The following DAB1 variants were observed in gnomAD, a reference collection of about 807,000 sequenced individuals.
The protein encoded by DAB1 is DAB adaptor protein 1.
A neutral mutation model predicts 64.6 loss-of-function variants in DAB1; 15 were observed. The observed-to-expected ratio is 0.23, with a 90% CI of 0.16 to 0.36. The LOEUF is 0.36. Ranked by LOEUF, DAB1 falls within the 10% of genes least tolerant of loss-of-function variation. DAB1 has a pLI of 1.00. For synonymous variants in DAB1, 235 were observed against 251.9 expected, an observed-to-expected ratio of 0.93 and a Z score of 0.64; for missense variants, 596 against 706.7, an observed-to-expected ratio of 0.84 and a Z score of 1.78.
chr1:57,097,928 C>A (rs112437244), intron 4 of DAB1, among the ~76,000 whole-genome samples: 8,616 of 152,136 alleles, frequency 0.057, 324 homozygotes, highest in Non-Finnish European at 0.084. Context: ...CAGGTGTCCA[C>A]CGCCACGCTT....
chr1:57,686,486 G>T (rs1034596260), intron 6 of DAB1, among the ~76,000 whole-genome samples: 1 of 152,118 alleles, frequency 6.6e-6, no homozygotes, highest in Non-Finnish European at 1.5e-5. Context: ...AAGAACAACC[G>T]GTGCCAATCC....
chr1:57,195,611 A>G (rs939772457), intron 2 of DAB1, among the ~76,000 whole-genome samples: 13 of 152,226 alleles, frequency 8.5e-5, no homozygotes, highest in African/African-American at 2.9e-4. Context: ...CAGGCTCCTA[A>G]CCGGATCCTA....
chr1:58,085,098 AAATG>A (rs1284621192), intron 5 of DAB1, among the ~76,000 whole-genome samples: 2 of 152,130 alleles, frequency 1.3e-5, no homozygotes, highest in African/African-American at 4.8e-5. Flanking sequence ...CAGGAGGAAA[AAATG>A]AATCCTTTTT....
At chr1:57,203,470 G>A (rs1665271952) in intron 2 of DAB1, among the ~76,000 whole-genome samples, 1 of 152,170 alleles carries the variant, frequency 6.6e-6, no homozygotes, top group African/African-American at 2.4e-5. Flanking sequence ...GTGGGAACCA[G>A]TGGCCCACAG....
intron 3 of DAB1, among the ~76,000 whole-genome samples, chr1:58,398,960 T>C (rs1644547499): frequency 6.6e-6 from 1 of 152,158 alleles, no homozygotes; most frequent in African/African-American, 2.4e-5. Context: ...GAGAACCAAA[T>C]TTTAAAAATA....
chr1:57,505,749 C>A (rs578038439), intron 7 of DAB1, among the ~76,000 whole-genome samples: 1 of 152,300 alleles, frequency 6.6e-6, no homozygotes, highest in South Asian at 2.1e-4. Context: ...CGGCTCACTG[C>A]AGCCTCAGCC....
chr1:58,420,183 TAAAAGAATTTCACAG>T (rs773369905), intron 3 of DAB1, among the ~76,000 whole-genome samples: 1 of 152,154 alleles, frequency 6.6e-6, no homozygotes, highest in South Asian at 2.1e-4. Context: ...TTGTTGTTGT[TAAAAGAATTTCACAG>T]AAAAGAATTT....
intron 5 of DAB1, among the ~76,000 whole-genome samples, chr1:57,956,608 G>T: frequency 6.6e-6 from 1 of 152,314 alleles, no homozygotes; most frequent in East Asian, 1.9e-4. Flanking sequence ...AAAACAGGCA[G>T]AAAGCAGACA....
At chr1:57,211,660 C>T (rs1666016535) in intron 2 of DAB1, among the ~76,000 whole-genome samples, 1 of 152,174 alleles carries the variant, frequency 6.6e-6, no homozygotes, top group African/African-American at 2.4e-5. Context: ...CAAAGGGCTA[C>T]ACAAAGTTAA....
At chr1:57,866,135 A>C (rs957554164) in intron 1 of DAB1, among the ~76,000 whole-genome samples, 2 of 152,230 alleles carry the variant, frequency 1.3e-5, no homozygotes, top group South Asian at 4.1e-4. Flanking sequence ...TATAAAATGC[A>C]GATAATTATG....
intron 1 of DAB1, among the ~76,000 whole-genome samples, chr1:57,843,307 C>T (rs898792323): frequency 1.3e-5 from 2 of 152,158 alleles, no homozygotes; most frequent in Non-Finnish European, 2.9e-5. Context: ...GCAAACATAA[C>T]ACAATAGCAA....
chr1:57,668,586 A>T (rs1163500519), intron 6 of DAB1, among the ~76,000 whole-genome samples: 1 of 152,268 alleles, frequency 6.6e-6, no homozygotes, highest in East Asian at 1.9e-4. Context: ...TGGCCAAAGC[A>T]TTCCCCAACC....
At chr1:58,472,013 T>C (rs1645365037) in intron 3 of DAB1, among the ~76,000 whole-genome samples, 1 of 152,230 alleles carries the variant, frequency 6.6e-6, no homozygotes, top group South Asian at 2.1e-4. Flanking sequence ...GCAAAGTGTT[T>C]AGTAGAGTTC....
At chr1:57,367,286 A>C (rs571938333) in intron 1 of DAB1, among the ~76,000 whole-genome samples, 1 of 151,920 alleles carries the variant, frequency 6.6e-6, no homozygotes, top group Admixed American at 6.6e-5. Flanking sequence ...AAAAAAACAA[A>C]AAAAAGTCAC....
chr1:57,455,942 A>C (rs985289972), intron 7 of DAB1, among the ~76,000 whole-genome samples: 5 of 152,190 alleles, frequency 3.3e-5, no homozygotes, highest in Non-Finnish European at 5.9e-5. Flanking sequence ...TCATCATTAA[A>C]AATTTCTTTG....
intron 4 of DAB1, among the ~76,000 whole-genome samples, chr1:58,251,476 G>A (rs936525270): frequency 2.6e-5 from 4 of 152,180 alleles, no homozygotes; most frequent in African/African-American, 9.7e-5. Context: ...CATCAGGCTG[G>A]GCATTTGGGA....
rs755672094 is a variant in DAB1 at position 58,212,891 on chromosome 1, AG to A, written n.310-62304del. Among the ~76,000 whole-genome samples the A allele has an allele frequency of 1.1e-3, 171 of 152,254 alleles. 3 individuals carry two copies. Among genetic ancestry groups the A allele is most frequent in the Admixed American group, 0.011 (168 of 15,280 alleles). The stretch of plus-strand genomic sequence containing the variant: ...TAAATAAGACAAACAGAGCTGGTGG[AG>A]GGGGTGGAGTTATCAGTGTTCCAGA... On this transcript the variant is annotated intron_variant and non_coding_transcript_variant, in intron 4 of 20. Coordinates refer to the DAB1 transcript ENST00000485760.
At chr1:57,681,187 T>G (rs545620151) in intron 6 of DAB1, among the ~76,000 whole-genome samples, 1 of 152,348 alleles carries the variant, frequency 6.6e-6, no homozygotes, top group South Asian at 2.1e-4. Flanking sequence ...CTCATGGCAT[T>G]CCTTGACTTG....
At chr1:57,028,936 C>A (rs904348251) in intron 9 of DAB1, among the ~76,000 whole-genome samples, 9 of 152,108 alleles carry the variant, frequency 5.9e-5, no homozygotes, top group African/African-American at 1.7e-4. Context: ...AAAAAAATTT[C>A]TGGGGAGAAA....
Sources: gnomAD v4.1 joint callset for allele counts (sites outside exome capture counted in the v4.1 genomes callset) on GRCh38, gnomAD v4.1.1 for gene constraint, MANE v1.5 for transcripts, NCBI Gene and HGNC (gene_info 2026-07-23, HGNC 2026-07-21) for gene names.